Variants in CCN3 observed in about 807,000 individuals in gnomAD.
CCN3 encodes CCN family member 3.
In CCN3, 20 loss-of-function variants were observed where a neutral mutation model predicts 33.4. The ratio of observed to expected loss-of-function variants is 0.60; its 90% CI spans 0.42 to 0.87. CCN3 has a LOEUF of 0.87. Among genes scored for constraint, CCN3 ranks in the 40% least tolerant of loss-of-function variants. The pLI is 0.00. For synonymous variants in CCN3, 205 were observed against 170.4 expected, an observed-to-expected ratio of 1.20 and a Z score of -1.58; for missense variants, 465 against 455.3, an observed-to-expected ratio of 1.02 and a Z score of -0.19.
intron 2 of CCN3, 61 bp downstream of exon 2, chr8:119,417,030 C>T (rs1820060947): frequency 7.1e-7 from 1 of 1,408,064 alleles, no homozygotes; most frequent in Non-Finnish European, 9.8e-7. Context: ...GCTGCTTCCT[C>T]CCTTCTCTTT....
At chr8:119,420,141 T>C (rs1820103757) in intron 4 of CCN3, 1 of 152,190 alleles carries the variant, frequency 6.6e-6, no homozygotes, top group Non-Finnish European at 1.5e-5. Context: ...ATTCAAGATT[T>C]ACATATCTTG....
In CCN3 at chr8:119,422,771, A is replaced by G. The variant is rs1038500684; in HGVS notation, c.778-65A>G. The G allele has an allele frequency of 2.3e-6, 3 of 1,311,190 alleles. No homozygotes were observed. The Admixed American group carries it at 6.6e-5, about 29-fold the overall frequency. 81.2% of individuals were successfully genotyped at this position (1,311,190 alleles called of 1,614,324 possible). A position where few individuals can be genotyped will look rare whatever the true frequency, so the allele number is the denominator to read the frequency against. On this transcript the variant is annotated intron_variant, in intron 4 of 4. Transcript: ENST00000259526. ...GTGGGCAACTAGCAGGTAATTCCAT[A>G]CTCTAAAATTGTCCCTCAGGGGAAT... is the stretch of plus-strand genomic sequence containing the variant.
At position 119,419,033 on chromosome 8, in the gene CCN3, G is replaced by A. The variant is rs562742603; in HGVS notation, c.563-98G>A. 26 of 849,920 alleles carry A rather than the reference G, an allele frequency of 3.1e-5. No individual in the cohort carries two copies. The South Asian group carries it at 3.8e-4, about 12-fold the overall frequency. 52.6% of individuals were successfully genotyped at this position (849,920 alleles called of 1,614,324 possible). A position where few individuals can be genotyped will look rare whatever the true frequency, so the allele number is the denominator to read the frequency against. On this transcript the variant is annotated intron_variant, in intron 3 of 4. Coordinates refer to ENST00000259526, the MANE Select transcript of CCN3 (RefSeq NM_002514.4). ...AGCATGGGTGTTTAGTAGGTACAGA[G>A]TCGAATGAGACCCAGTTTCTAATAA...
chr8:119,418,066 G>A lies in CCN3; in HGVS notation c.319G>A (p.Gly107Arg). Residue 107 changes from glycine to arginine, a missense_variant, in exon 3 of 5, where the codon GGA becomes AGA. Coordinates refer to ENST00000259526, the MANE Select transcript of CCN3 (RefSeq NM_002514.4). ...CTTCCCCAATATTCTAGCGGTAGAG[G>A]GAGATAACTGTGTGTTCGATGGGGT... The part of the protein sequence containing the change: ...NQTGICTAVE[G>R]DNCVFDGVIY... 6.2e-7 allele frequency: 1 copy of A among 1,612,578 alleles called. No individual in the cohort carries two copies. The highest frequency in any genetic ancestry group is 8.5e-7 in the Non-Finnish European group (1 of 1,178,666).
intron 3 of CCN3, among the ~76,000 whole-genome samples, chr8:119,418,629 T>C (rs894050543): frequency 3.3e-5 from 5 of 152,334 alleles, no homozygotes; most frequent in East Asian, 1.9e-4. Context: ...TCATTAGCAC[T>C]ACAAAGACAA....
chr8:119,418,430 G>T, intron 3 of CCN3, 121 bp downstream of exon 3: 3 of 1,296,872 alleles, frequency 2.3e-6, no homozygotes, highest in Non-Finnish European at 2.1e-6. Context: ...TTCAGTTGTG[G>T]GTTTCAGGTT....
chr8:119,422,788 C>T (rs1820142228), intron 4 of CCN3, 48 bp from the exon 5 acceptor site: 2 of 1,472,952 alleles, frequency 1.4e-6, no homozygotes, highest in Non-Finnish European at 1.8e-6. Flanking sequence ...AATTGTCCCT[C>T]AGGGGAATGG....
At chr8:119,420,858 G>A (rs773756096) in intron 4 of CCN3, among the ~76,000 whole-genome samples, 3 of 151,814 alleles carry the variant, frequency 2.0e-5, no homozygotes, top group Admixed American at 2.0e-4. Context: ...TGCAAAATTT[G>A]TATTTTTTCT....
intron 4 of CCN3, 122 bp downstream of exon 4, chr8:119,419,467 C>A: frequency 1.0e-6 from 1 of 954,280 alleles, no homozygotes. Flanking sequence ...GGGAGTTAAC[C>A]CCAGAGAAAA....
intron 4 of CCN3, among the ~76,000 whole-genome samples, chr8:119,421,107 C>A (rs1356285576): frequency 6.6e-6 from 1 of 150,624 alleles, no homozygotes; most frequent in Non-Finnish European, 1.5e-5. Flanking sequence ...CAAGCTCCGC[C>A]TCCCGGGTTC....
At chr8:119,422,444 C>T (rs17187655) in intron 4 of CCN3, among the ~76,000 whole-genome samples, 27,924 of 152,140 alleles carry the variant, frequency 0.18, 2,757 homozygotes, top group Non-Finnish European at 0.22. Context: ...GTTACAGTGT[C>T]TTAAAAGATA....
Position 119,416,961 on chromosome 8 carries a change from T to C in CCN3, c.302T>C (p.Ile101Thr). 6.2e-7 allele frequency: 1 copy of C among 1,611,726 alleles called. No individual in the cohort carries two copies. The highest frequency in any genetic ancestry group is 8.5e-7 in the Non-Finnish European group (1 of 1,178,436). The change falls in exon 2 of 5, where the codon ATC becomes ACC. Residue 101 changes from isoleucine to threonine, a missense_variant. Physicochemically the swap from Ile to Thr is moderately conservative, Grantham distance 89. Transcript: ENST00000259526. The stretch of plus-strand genomic sequence containing the variant: ...GCGGACCCCAGCAACCAGACTGGCA[T>C]CTGCACGGGTAATCCTGCTCCCTCT... ...RSADPSNQTG[I>T]CTAVEGDNCV...
In CCN3 at chr8:119,424,155, T is replaced by C. The variant is rs1028116533; in HGVS notation, c.*1023T>C. On this transcript the variant is annotated 3_prime_UTR_variant, in exon 5 of 5. Coordinates refer to ENST00000259526, the MANE Select transcript of CCN3 (RefSeq NM_002514.4). The stretch of plus-strand genomic sequence containing the variant: ...TATGAAAACTCATGATCAAGATATA[T>C]GTGTATACATACATGTATCTGGTTT... 3.9e-5 allele frequency: 6 copies of C among 152,210 alleles called. No homozygotes were observed. Among genetic ancestry groups the C allele is most frequent in the Non-Finnish European group, 5.9e-5 (4 of 68,030 alleles). 9.4% of individuals were successfully genotyped at this position (152,210 alleles called of 1,614,324 possible).
At chr8:119,417,787 T>C (rs945886943) in intron 2 of CCN3, among the ~76,000 whole-genome samples, 51 of 152,286 alleles carry the variant, frequency 3.3e-4, no homozygotes, top group Admixed American at 3.1e-3. Context: ...CCAGGGGACC[T>C]TGGGGACATC....
chr8:119,420,661 T>C (rs1820110618), intron 4 of CCN3, among the ~76,000 whole-genome samples: 1 of 152,168 alleles, frequency 6.6e-6, no homozygotes, highest in South Asian at 2.1e-4. Context: ...TACAAACACA[T>C]ACACACACAT....
chr8:119,419,670 A>G lies in CCN3; in HGVS notation c.777+325A>G, dbSNP rs540928462. Among the ~76,000 whole-genome samples, 32 of 152,372 alleles carry G rather than the reference A, an allele frequency of 2.1e-4. 1 individual carries two copies. In the South Asian group the frequency reaches 6.2e-3, roughly 30 times the overall value. ...AAAACTGGCTACAGTTGTCAAGCAC[A>G]GCTGATTCTAAAGAGGTCACTTCTG... On this transcript the variant is annotated intron_variant, in intron 4 of 4. Coordinates refer to ENST00000259526, the MANE Select transcript of CCN3 (RefSeq NM_002514.4).
intron 3 of CCN3, 127 bp from the exon 4 acceptor site, chr8:119,419,004 T>C (rs1820089387): frequency 4.6e-6 from 3 of 649,012 alleles, no homozygotes; most frequent in Non-Finnish European, 8.1e-6. Context: ...TTCTGTGTCC[T>C]GGGAGCATGG....
chr8:119,416,488 C>A lies in CCN3; in HGVS notation c.-45C>A, dbSNP rs766531115. On this transcript the variant is annotated 5_prime_UTR_variant, in exon 1 of 5. Transcript: ENST00000259526. ...GAAGGCGAGCAGTGCCAATCTACAG[C>A]GAAGAAAGTCTCGTTTGGTAAAAGC... 25 of 1,584,198 alleles carry A rather than the reference C, an allele frequency of 1.6e-5. No individual in the cohort carries two copies. In the Admixed American group the frequency reaches 3.0e-4, roughly 19 times the overall value.
In CCN3 at chr8:119,419,320, A is replaced by G; in HGVS notation, c.752A>G (p.Gln251Arg). Reference protein sequence around the residue: ...TRLCMVRPCEQEPEQPTDKKG... With the variant: ...TRLCMVRPCEREPEQPTDKKG... ...CTCTGCATGGTGCGGCCCTGTGAAC[A>G]AGAGCCAGAGCAGCCAACAGATAAG... The change falls in exon 4 of 5, where the codon CAA (glutamine) becomes CGA (arginine). Residue 251 changes from glutamine to arginine, a missense_variant. Physicochemically the swap from Gln to Arg is conservative, Grantham distance 43. Coordinates refer to ENST00000259526, the MANE Select transcript of CCN3 (RefSeq NM_002514.4). The G allele has an allele frequency of 6.2e-7, 1 of 1,613,972 alleles. No individual in the cohort carries two copies. The highest frequency in any genetic ancestry group is 8.5e-7 in the Non-Finnish European group (1 of 1,180,034).
Sources: allele counts gnomAD v4.1 joint callset (sites outside exome capture counted in the v4.1 genomes callset), GRCh38; gene constraint gnomAD v4.1.1; transcripts MANE v1.5; gene names NCBI Gene and HGNC (gene_info 2026-07-23, HGNC 2026-07-21).